The following FSTL4 variants were observed in gnomAD, a reference collection of about 807,000 sequenced individuals.
The protein encoded by FSTL4 is follistatin-related protein 4.
A neutral mutation model predicts 78.2 loss-of-function variants in FSTL4; 28 were observed. The ratio of observed to expected loss-of-function variants is 0.36; its 90% confidence interval spans 0.27 to 0.49. The LOEUF is 0.49. Ranked by LOEUF, FSTL4 falls within the 20% of genes least tolerant of loss-of-function variation. The pLI is 0.98. For synonymous variants in FSTL4, 422 were observed against 440.5 expected (o/e 0.96, Z 0.53); for missense variants, 922 against 1,084.9 (o/e 0.85, Z 2.11).
At chr5:133,211,972 C>G (rs1750743387) in intron 13 of FSTL4, among the ~76,000 whole-genome samples, 1 of 152,090 alleles carries the variant, frequency 6.6e-6, no homozygotes, top group African/African-American at 2.4e-5. Flanking sequence ...TTTAATTACT[C>G]TCTTGCTTTA....
At position 133,239,065 on chromosome 5, in the gene FSTL4, C is replaced by T. The variant is rs914222145; in HGVS notation, c.895-5528G>A. On this transcript the variant is annotated intron_variant, in intron 7 of 15. Coordinates refer to ENST00000265342, the MANE Select transcript of FSTL4 (RefSeq NM_015082.2). ...GAGTTTCGGGTGGGCATGGGCTCGG[C>T]GGGCCCCGCACTCGGAGTGGCTGCC... Among the ~76,000 whole-genome samples, 163 of 152,300 alleles carry T rather than the reference C, an allele frequency of 1.1e-3. 2 individuals are homozygous for T. Among genetic ancestry groups the T allele is most frequent in the Non-Finnish European group, 3.5e-4 (24 of 68,022 alleles).
chr5:133,303,019 G>T (rs1753582505), intron 6 of FSTL4, among the ~76,000 whole-genome samples: 1 of 152,186 alleles, frequency 6.6e-6, no homozygotes, highest in African/African-American at 2.4e-5. Flanking sequence ...AAGAGCCTTG[G>T]GCCATAACCA....
intron 6 of FSTL4, among the ~76,000 whole-genome samples, chr5:133,288,724 G>A (rs991199860): frequency 5.9e-5 from 9 of 152,208 alleles, no homozygotes; most frequent in South Asian, 2.1e-4. Context: ...AGGCCCCAAG[G>A]TGCCTGTGAA....
chr5:133,600,546 G>C (rs1760843572), intron 2 of FSTL4, among the ~76,000 whole-genome samples: 1 of 152,138 alleles, frequency 6.6e-6, no homozygotes, highest in Admixed American at 6.5e-5. Flanking sequence ...TTATGAAAGA[G>C]GCACTCCACC....
chr5:133,337,452 C>T (rs190431331), intron 4 of FSTL4, among the ~76,000 whole-genome samples: 261 of 152,238 alleles, frequency 1.7e-3, no homozygotes, highest in Middle Eastern at 0.01. Flanking sequence ...AATTGGAGCC[C>T]GAGGCTTCTT....
At chr5:133,336,955 G>A (rs576224712) in intron 4 of FSTL4, among the ~76,000 whole-genome samples, 5 of 152,310 alleles carry the variant, frequency 3.3e-5, no homozygotes, top group Non-Finnish European at 5.9e-5. Flanking sequence ...TGGAGGGCTC[G>A]CAGTATGTGC....
intron 5 of FSTL4, among the ~76,000 whole-genome samples, chr5:133,313,141 A>G (rs899404937): frequency 1.3e-5 from 2 of 152,330 alleles, no homozygotes; most frequent in Admixed American, 6.5e-5. Flanking sequence ...AAAAGACCCC[A>G]TCGGATAAAC....
At chr5:133,505,067 T>C (rs933320000) in intron 3 of FSTL4, among the ~76,000 whole-genome samples, 21 of 152,300 alleles carry the variant, frequency 1.4e-4, no homozygotes, top group African/African-American at 4.1e-4. Flanking sequence ...CCTCAGGTCA[T>C]AGAATAGATT....
intron 6 of FSTL4, among the ~76,000 whole-genome samples, chr5:133,301,906 C>T (rs1272867864): frequency 6.6e-6 from 1 of 152,110 alleles, no homozygotes; most frequent in Non-Finnish European, 1.5e-5. Context: ...AGAAAGCCAC[C>T]TCGTGTTGGC....
At chr5:133,359,820 A>G (rs925202086) in intron 4 of FSTL4, among the ~76,000 whole-genome samples, 3 of 151,830 alleles carry the variant, frequency 2.0e-5, no homozygotes, top group Admixed American at 2.0e-4. Context: ...CCCTTTTCCT[A>G]CCCGTTCTGC....
At chr5:133,375,494 C>T (rs938583593) in intron 4 of FSTL4, among the ~76,000 whole-genome samples, 2 of 151,744 alleles carry the variant, frequency 1.3e-5, no homozygotes, top group Admixed American at 6.6e-5. Flanking sequence ...TTAAAGACCC[C>T]TAATCAATAT....
At chr5:133,529,101 GA>G (rs568543729) in intron 3 of FSTL4, among the ~76,000 whole-genome samples, 12 of 152,184 alleles carry the variant, frequency 7.9e-5, no homozygotes, top group Non-Finnish European at 1.3e-4. Flanking sequence ...TGGCCATGTG[GA>G]AGACAGCTGC....
the FSTL4 span, among the ~76,000 whole-genome samples, chr5:133,627,957 G>A: frequency 6.6e-6 from 1 of 151,844 alleles, no homozygotes. Flanking sequence ...GCTGCTTTAA[G>A]AATTACATTA....
At chr5:133,223,623 T>C (rs1339352557) in intron 11 of FSTL4, among the ~76,000 whole-genome samples, 1 of 152,254 alleles carries the variant, frequency 6.6e-6, no homozygotes, top group East Asian at 1.9e-4. Context: ...TTCAGCCATA[T>C]GAAATTGTCA....
chr5:133,224,342 A>G, intron 10 of FSTL4, 126 bp from the exon 11 acceptor site: 3 of 702,706 alleles, frequency 4.3e-6, no homozygotes, highest in Non-Finnish European at 7.6e-6. Flanking sequence ...CATCACTTAC[A>G]GAATCTATAC....
intron 7 of FSTL4, among the ~76,000 whole-genome samples, chr5:133,240,364 G>GA (rs899527610): frequency 6.6e-6 from 1 of 152,206 alleles, no homozygotes; most frequent in Non-Finnish European, 1.5e-5. Flanking sequence ...GTCCTCTCAA[G>GA]AAAAAGAAGT....
the FSTL4 span, among the ~76,000 whole-genome samples, chr5:133,739,603 G>A: frequency 3.7e-4 from 56 of 152,168 alleles, no homozygotes; most frequent in Non-Finnish European, 6.9e-4. Flanking sequence ...TAACCTAGGA[G>A]CCCGCCTAAA....
intron 1 of FSTL4, among the ~76,000 whole-genome samples, chr5:133,607,739 G>C (rs1761005971): frequency 6.6e-6 from 1 of 152,124 alleles, no homozygotes; most frequent in African/African-American, 2.4e-5. Context: ...CCTTTCCTCT[G>C]AAAGCTGCCA....
chr5:133,233,506 G>A lies in FSTL4; in HGVS notation c.926C>T (p.Thr309Ile). Residue 309 changes from threonine to isoleucine, a missense_variant, in exon 8 of 16, where the codon ACC (threonine) becomes ATC (isoleucine). Coordinates refer to ENST00000265342, the MANE Select transcript of FSTL4 (RefSeq NM_015082.2). ...GCCCATGTGGATGGTGGTCACCTTG[G>A]TGATGTACAGGGAATCATCCTCTCC... ...DFGEDDSLYI[T>I]KVTTIHMGNY... is the part of the protein sequence containing the mutation. The A allele has an allele frequency of 6.2e-7, 1 of 1,614,180 alleles. No homozygotes were observed. The highest frequency in any genetic ancestry group is 8.5e-7 in the Non-Finnish European group (1 of 1,179,994).
Sources: allele counts gnomAD v4.1 joint callset (sites outside exome capture counted in the v4.1 genomes callset), GRCh38; gene constraint gnomAD v4.1.1; transcripts MANE v1.5; gene names NCBI Gene and HGNC (gene_info 2026-07-23, HGNC 2026-07-21).